Variants in CCDC186 observed in about 807,000 individuals in gnomAD.
CCDC186 encodes the protein coiled-coil domain-containing protein 186.
CCDC186 carries 49 observed loss-of-function variants against 113.7 expected under a neutral mutation model. That is an observed-to-expected ratio of 0.43 (90% confidence interval 0.34 to 0.55). The LOEUF (loss-of-function observed/expected upper bound fraction) is 0.55, where lower values mean the gene tolerates loss of function less well. CCDC186 is among the 20% of genes least tolerant of loss of function. CCDC186 has a pLI of 0.02. For missense variants in CCDC186, 890 were observed against 1,011.1 expected, an observed-to-expected ratio of 0.88 and a Z score of 1.62; for synonymous variants, 355 against 345.8, an observed-to-expected ratio of 1.03 and a Z score of -0.30.
Position 114,162,690 on chromosome 10 carries a change from C to T in CCDC186, c.579G>A (p.Leu193=), listed in dbSNP as rs956862570. Residue 193 remains leucine (L), a synonymous_variant, in exon 2 of 16, where the codon CTG becomes CTA. Transcript: ENST00000369287. ...GMNKGEHALV[L]FEKCVQDKYL... ...ATTTATCTTGCACACACTTTTCAAA[C>T]AGAACTAATGCATGTTCTCCCTTAT... is the stretch of plus-strand genomic sequence containing the variant. 1 of 1,604,776 alleles carries T rather than the reference C, an allele frequency of 6.2e-7. No individual in the cohort carries two copies. The highest frequency in any genetic ancestry group is 1.3e-5 in the African/African-American group (1 of 74,338).
At chr10:114,132,489 A>T (rs2031119778) in intron 10 of CCDC186, among the ~76,000 whole-genome samples, 1 of 152,230 alleles carries the variant, frequency 6.6e-6, no homozygotes, top group South Asian at 2.1e-4. Context: ...GCTCAAACTA[A>T]TACTTGAAGC....
chr10:114,139,372 T>C (rs1208126901), intron 6 of CCDC186, among the ~76,000 whole-genome samples: 2 of 151,928 alleles, frequency 1.3e-5, no homozygotes, highest in Non-Finnish European at 2.9e-5. Context: ...AGACCAACCC[T>C]GCCAACATGG....
intron 6 of CCDC186, among the ~76,000 whole-genome samples, chr10:114,142,153 T>A (rs149550087): frequency 4.9e-4 from 74 of 152,284 alleles, no homozygotes; most frequent in African/African-American, 1.8e-3. Context: ...AATGACACTA[T>A]CACTGACAAC....
chr10:114,127,071 T>C (rs1293819511), intron 14 of CCDC186, among the ~76,000 whole-genome samples: 1 of 152,134 alleles, frequency 6.6e-6, no homozygotes, highest in Non-Finnish European at 1.5e-5. Context: ...CAGCGCCTTG[T>C]ACTACTAGGT....
chr10:114,164,114 ATTT>A (rs35615169), intron 1 of CCDC186, among the ~76,000 whole-genome samples: 5 of 79,226 alleles, frequency 6.3e-5, no homozygotes, highest in South Asian at 8.5e-4. Flanking sequence ...ATATATATAT[ATTT>A]TTTTTTTTTT....
Position 114,132,160 on chromosome 10 carries a change from C to G in CCDC186, c.1680G>C (p.Leu560Phe). 5 of 1,597,938 alleles carry G rather than the reference C, an allele frequency of 3.1e-6. No homozygotes were observed. Among genetic ancestry groups the G allele is most frequent in the Non-Finnish European group, 4.3e-6 (5 of 1,172,176 alleles). The change falls in exon 11 of 16, where the codon TTG becomes TTC. Residue 560 changes from leucine (L) to phenylalanine (F), a missense_variant. By Grantham distance (22) the Leu-to-Phe change is conservative. Transcript: ENST00000369287. ...AATTAAGACTTTCCACTTCTTCTTT[C>G]AAATTTTCAATTTCTTGCTTACCTC... is the stretch of plus-strand genomic sequence containing the variant. Reference protein sequence around the residue: ...LQRGKQEIENLKEEVESLNSL... With the variant: ...LQRGKQEIENFKEEVESLNSL...
rs1193669024 is a variant in CCDC186 at position 114,132,078 on chromosome 10, G to A, written c.1762C>T (p.Leu588=). 1.2e-6 allele frequency: 2 copies of A among 1,613,374 alleles called. No individual in the cohort carries two copies. The highest frequency in any genetic ancestry group is 1.7e-6 in the Non-Finnish European group (2 of 1,179,752). The change falls in exon 11 of 16, where the codon CTG becomes TTG. Residue 588 remains leucine (L), a synonymous_variant. Coordinates refer to ENST00000369287, the MANE Select transcript of CCDC186 (RefSeq NM_018017.4). ...GTGAGCCTTTCTGTAAACAGCAGCA[G>A]CTCAGATTCTCTTTTCCTACTGCCT... ...IEGSRKRESE[L]LLFTERLTSK...
At chr10:114,146,811 A>C (rs2031653243) in intron 4 of CCDC186, among the ~76,000 whole-genome samples, 1 of 152,236 alleles carries the variant, frequency 6.6e-6, no homozygotes, top group African/African-American at 2.4e-5. Flanking sequence ...TAACTATTAA[A>C]ATAAAGTGAG....
chr10:114,142,301 G>A (rs1269519931), intron 6 of CCDC186, among the ~76,000 whole-genome samples: 10 of 152,202 alleles, frequency 6.6e-5, no homozygotes, highest in Admixed American at 1.3e-4. Flanking sequence ...ACCTCCTGCT[G>A]GTCTAGCTTC....
rs1365944814 is a variant in CCDC186 at position 114,136,258 on chromosome 10, A to G, written c.1327-12T>C. 1 of 1,594,096 alleles carries G rather than the reference A, an allele frequency of 6.3e-7. No individual in the cohort carries two copies. Among genetic ancestry groups the G allele is most frequent in the Middle Eastern group, 1.7e-4 (1 of 6,010 alleles). On this transcript the variant is annotated splice_polypyrimidine_tract_variant and intron_variant, in intron 7 of 15. Coordinates refer to ENST00000369287, the MANE Select transcript of CCDC186 (RefSeq NM_018017.4). ...ATTTCTTCTGACTCCTAGTGGAAAG[A>G]AAACAAAAAAAGTGTGACAATTTTT...
chr10:114,166,374 A>G (rs1247677745), intron 1 of CCDC186, among the ~76,000 whole-genome samples: 1 of 152,194 alleles, frequency 6.6e-6, no homozygotes, highest in Non-Finnish European at 1.5e-5. Context: ...TCTATGTTTA[A>G]AGGACCAATT....
chr10:114,156,032 C>T (rs1261659905), intron 3 of CCDC186, among the ~76,000 whole-genome samples: 1 of 152,132 alleles, frequency 6.6e-6, no homozygotes, highest in Non-Finnish European at 1.5e-5. Flanking sequence ...GCTCTGGTTC[C>T]ATTGTACCTG....
intron 1 of CCDC186, among the ~76,000 whole-genome samples, chr10:114,166,442 A>G (rs2032338068): frequency 6.6e-6 from 1 of 152,220 alleles, no homozygotes; most frequent in South Asian, 2.1e-4. Context: ...ATAGTCTCTC[A>G]GGGTAAATTT....
At chr10:114,142,126 TAAAC>T (rs560564552) in intron 6 of CCDC186, among the ~76,000 whole-genome samples, 2 of 152,104 alleles carry the variant, frequency 1.3e-5, no homozygotes, top group Non-Finnish European at 2.9e-5. Flanking sequence ...GCCTTCTGAG[TAAAC>T]AAACCATTTA....
Position 114,129,880 on chromosome 10 carries a change from T to C in CCDC186, c.2182+11A>G. 3 of 1,611,860 alleles carry C rather than the reference T, an allele frequency of 1.9e-6. No individual in the cohort carries two copies. Among genetic ancestry groups the C allele is most frequent in the Non-Finnish European group, 2.5e-6 (3 of 1,178,206 alleles). On this transcript the variant is annotated intron_variant, in intron 13 of 15. Coordinates refer to ENST00000369287, the MANE Select transcript of CCDC186 (RefSeq NM_018017.4). ...ATCATGAAATAACAACTAGAGCCAC[T>C]AGTTTTTTACCTGATGAACTAGAAC...
At position 114,125,877 on chromosome 10, in the gene CCDC186, C is replaced by A; in HGVS notation, c.2613+9G>T. The A allele has an allele frequency of 6.2e-7, 1 of 1,610,912 alleles. No individual in the cohort carries two copies. Among genetic ancestry groups the A allele is most frequent in the Non-Finnish European group, 8.5e-7 (1 of 1,177,362 alleles). On this transcript the variant is annotated intron_variant, in intron 15 of 15. Coordinates refer to ENST00000369287, the MANE Select transcript of CCDC186 (RefSeq NM_018017.4). Reference sequence around the variant, plus strand: ...TACTGGTTGGTGTGTGAATGAGAAACACAAATACCTTCAAAGTAATATTTT... The same window carrying A: ...TACTGGTTGGTGTGTGAATGAGAAAAACAAATACCTTCAAAGTAATATTTT...
chr10:114,160,130 T>C (rs2032127016), intron 2 of CCDC186, among the ~76,000 whole-genome samples: 1 of 151,320 alleles, frequency 6.6e-6, no homozygotes, highest in Admixed American at 6.6e-5. Flanking sequence ...ATTAGCCGGG[T>C]GTAGTGGTAG....
chr10:114,153,685 C>T (rs1248987083), intron 3 of CCDC186, among the ~76,000 whole-genome samples: 3 of 150,954 alleles, frequency 2.0e-5, no homozygotes, highest in Non-Finnish European at 4.4e-5. Context: ...ACTTGGGAGG[C>T]TGAGGCAGGA....
intron 6 of CCDC186, among the ~76,000 whole-genome samples, chr10:114,143,990 T>C (rs1026167747): frequency 4.6e-5 from 7 of 152,084 alleles, no homozygotes; most frequent in Admixed American, 6.6e-5. Flanking sequence ...ACAATACCAA[T>C]GGAGTCATAT....
Sources: allele counts gnomAD v4.1 joint callset (sites outside exome capture counted in the v4.1 genomes callset), GRCh38; gene constraint gnomAD v4.1.1; transcripts MANE v1.5; gene names NCBI Gene and HGNC (gene_info 2026-07-23, HGNC 2026-07-21).